The following RAPGEF6 variants were observed in gnomAD, a reference collection of about 807,000 sequenced individuals.
The protein encoded by RAPGEF6 is PDZ domain containing guanine nucleotide exchange factor (GEF) 2.
In RAPGEF6, 56 loss-of-function variants were observed where a neutral mutation model predicts 171.4. The observed-to-expected ratio is 0.33, with a 90% CI of 0.26 to 0.41. RAPGEF6 has a LOEUF of 0.41. Ranked by LOEUF, RAPGEF6 falls within the 10% of genes least tolerant of loss-of-function variation. RAPGEF6 has a pLI of 1.00. For synonymous variants in RAPGEF6, 692 were observed against 650.1 expected, an observed-to-expected ratio of 1.06 and a Z score of -0.98; for missense variants, 1,674 against 1,921.4, an observed-to-expected ratio of 0.87 and a Z score of 2.41.
chr5:131,470,568 C>T (rs1014411226), intron 17 of RAPGEF6, among the ~76,000 whole-genome samples: 1 of 152,158 alleles, frequency 6.6e-6, no homozygotes, highest in African/African-American at 2.4e-5. Context: ...CATAAGATCC[C>T]TAATACTTGT....
intron 6 of RAPGEF6, among the ~76,000 whole-genome samples, chr5:131,524,701 T>A (rs930242989): frequency 6.6e-6 from 1 of 152,000 alleles, no homozygotes; most frequent in African/African-American, 2.4e-5. Flanking sequence ...CTGCAACCTC[T>A]GCCTCCTGGG....
intron 5 of RAPGEF6, among the ~76,000 whole-genome samples, chr5:131,555,532 G>A (rs1377622169): frequency 1.3e-5 from 2 of 151,640 alleles, no homozygotes; most frequent in Admixed American, 6.6e-5. Flanking sequence ...GATTACTAAT[G>A]ACATTTATTT....
intron 19 of RAPGEF6, among the ~76,000 whole-genome samples, chr5:131,459,522 G>GA (rs1227355750): frequency 1.3e-5 from 2 of 151,504 alleles, no homozygotes; most frequent in Admixed American, 6.6e-5. Context: ...ACTCCAGCAG[G>GA]AAAAAAAATA....
chr5:131,502,472 A>C (rs1580928489), intron 11 of RAPGEF6, among the ~76,000 whole-genome samples: 1 of 152,232 alleles, frequency 6.6e-6, no homozygotes, highest in East Asian at 1.9e-4. Flanking sequence ...AATCATGGCT[A>C]ACTTCACCAT....
chr5:131,470,030 T>C (rs993884213), intron 17 of RAPGEF6, among the ~76,000 whole-genome samples: 4 of 152,168 alleles, frequency 2.6e-5, no homozygotes, highest in African/African-American at 9.6e-5. Context: ...CATTTAAATT[T>C]TTGTGTTGTA....
intron 4 of RAPGEF6, among the ~76,000 whole-genome samples, chr5:131,573,789 C>G (rs1241806974): frequency 6.6e-6 from 1 of 152,158 alleles, no homozygotes; most frequent in African/African-American, 2.4e-5. Context: ...CAGTTCATGG[C>G]CCACTTAGCA....
At chr5:131,438,967 G>C (rs988519238) in intron 24 of RAPGEF6, among the ~76,000 whole-genome samples, 1 of 152,068 alleles carries the variant, frequency 6.6e-6, no homozygotes, top group Non-Finnish European at 1.5e-5. Context: ...GTGTTGCCCA[G>C]GTTGAAGTAC....
chr5:131,525,373 A>C (rs1758805875), intron 6 of RAPGEF6, among the ~76,000 whole-genome samples: 1 of 152,176 alleles, frequency 6.6e-6, no homozygotes, highest in African/African-American at 2.4e-5. Context: ...TAAATAGAAA[A>C]CTATCATGTT....
At chr5:131,562,152 C>A in intron 4 of RAPGEF6, 105 bp from the exon 5 acceptor site, 1 of 684,580 alleles carries the variant, frequency 1.5e-6, no homozygotes, top group South Asian at 2.0e-5. Flanking sequence ...AGATATTATC[C>A]AAGAAATTCT....
intron 8 of RAPGEF6, among the ~76,000 whole-genome samples, chr5:131,509,693 A>T (rs1259480788): frequency 2.0e-5 from 3 of 152,214 alleles, no homozygotes; most frequent in Non-Finnish European, 4.4e-5. Context: ...TGTCTTATAG[A>T]CATGAAGGGA....
chr5:131,438,980 T>C (rs1259278924), intron 24 of RAPGEF6, among the ~76,000 whole-genome samples: 1 of 152,276 alleles, frequency 6.6e-6, no homozygotes, highest in Non-Finnish European at 1.5e-5. Context: ...TGAAGTACAG[T>C]GGCATGATCA....
intron 23 of RAPGEF6, among the ~76,000 whole-genome samples, chr5:131,440,737 CAAAAAAAAAA>C (rs1168441695): frequency 1.5e-5 from 1 of 66,858 alleles, no homozygotes; most frequent in Non-Finnish European, 3.1e-5. Flanking sequence ...GACTCTGTCT[CAAAAAAAAAA>C]AAAAAAAAAA....
At chr5:131,592,641 T>C (rs555648524) in intron 3 of RAPGEF6, among the ~76,000 whole-genome samples, 175 bp from the exon 4 acceptor site, 5 of 152,226 alleles carry the variant, frequency 3.3e-5, no homozygotes, top group Middle Eastern at 3.2e-3. Flanking sequence ...ACCACGTTTA[T>C]GTGAAATAAA....
chr5:131,612,067 C>T (rs897500724), intron 1 of RAPGEF6, among the ~76,000 whole-genome samples: 1 of 152,100 alleles, frequency 6.6e-6, no homozygotes, highest in Non-Finnish European at 1.5e-5. Context: ...CGGGGTCTCA[C>T]TCTGTCACCC....
chr5:131,551,186 TC>T (rs1051117075), intron 5 of RAPGEF6, among the ~76,000 whole-genome samples: 1 of 152,174 alleles, frequency 6.6e-6, no homozygotes, highest in Non-Finnish European at 1.5e-5. Context: ...TAGCTACTTT[TC>T]CTATTGTAAT....
At chr5:131,451,303 G>A (rs557193477) in intron 21 of RAPGEF6, among the ~76,000 whole-genome samples, 25 of 152,168 alleles carry the variant, frequency 1.6e-4, no homozygotes, top group Admixed American at 1.6e-3. Context: ...AGACACCTAG[G>A]CCGGGTGCAG....
chr5:131,620,529 A>T (rs1765534798), intron 1 of RAPGEF6, among the ~76,000 whole-genome samples: 1 of 152,252 alleles, frequency 6.6e-6, no homozygotes, highest in African/African-American at 2.4e-5. Flanking sequence ...GGCAATTTAG[A>T]AATTCAGTAT....
chr5:131,554,798 G>A (rs10057758), intron 5 of RAPGEF6, among the ~76,000 whole-genome samples: 10,501 of 152,046 alleles, frequency 0.069, 887 homozygotes, highest in African/African-American at 0.2. Flanking sequence ...ATTACAGGAG[G>A]GAGCCACTGT....
chr5:131,430,882 GA>G lies in RAPGEF6; in HGVS notation c.4441del (p.Ser1481GlnfsTer7). 4 of 1,605,908 alleles carry G rather than the reference GA, an allele frequency of 2.5e-6. No individual in the cohort carries two copies. The highest frequency in any genetic ancestry group is 2.5e-6 in the Non-Finnish European group (3 of 1,177,202). On this transcript the variant is annotated frameshift_variant, in exon 26 of 28. Transcript: ENST00000509018. LOFTEE classifies it high-confidence loss of function. ...ACCAATCAAGCCCTTTTCTGTACTTGAAGTGACAGTTTTATAAACTGGGTCA... is the reference window on the plus strand; with the variant it reads ...ACCAATCAAGCCCTTTTCTGTACTTGAGTGACAGTTTTATAAACTGGGTCA... ...ATDPVYKTVTSSTEKGLIVYC... is the reference protein window; with the variant it reads ...ATDPVYKTVTXSTEKGLIVYC...
Sources: allele counts gnomAD v4.1 joint callset (sites outside exome capture counted in the v4.1 genomes callset), GRCh38; gene constraint gnomAD v4.1.1; transcripts MANE v1.5; gene names NCBI Gene and HGNC (gene_info 2026-07-23, HGNC 2026-07-21).